Variants in ITGBL1 observed in about 807,000 individuals in gnomAD.
ITGBL1 encodes integrin beta-like protein 1.
ITGBL1 carries 51 observed loss-of-function variants against 68.5 expected under a neutral mutation model. That is an observed-to-expected ratio of 0.74 (90% CI 0.59 to 0.94). The LOEUF is 0.94. Ranked by LOEUF, ITGBL1 falls within the 40% of genes least tolerant of loss-of-function variation. ITGBL1 has a pLI of 0.00. For synonymous variants in ITGBL1, 209 were observed against 227.3 expected, an observed-to-expected ratio of 0.92 and a Z score of 0.72; for missense variants, 649 against 647.4, an observed-to-expected ratio of 1.00 and a Z score of -0.03.
intron 2 of ITGBL1, among the ~76,000 whole-genome samples, chr13:101,530,459 G>A (rs1050932404): frequency 6.6e-6 from 1 of 152,082 alleles, no homozygotes; most frequent in African/African-American, 2.4e-5. Context: ...TCCCCACCCA[G>A]GGTTTTGCTT....
chr13:101,595,241 CGA>C (rs1253949484), intron 6 of ITGBL1, among the ~76,000 whole-genome samples: 1 of 151,884 alleles, frequency 6.6e-6, no homozygotes, highest in African/African-American at 2.4e-5. Context: ...CATCACATGG[CGA>C]GAGAGAGGAA....
At chr13:101,467,864 G>T (rs1331571541) in intron 2 of ITGBL1, among the ~76,000 whole-genome samples, 1 of 152,044 alleles carries the variant, frequency 6.6e-6, no homozygotes, top group East Asian at 1.9e-4. Context: ...AACTTCCTAG[G>T]GAAAGGTAGG....
intron 2 of ITGBL1, among the ~76,000 whole-genome samples, chr13:101,507,623 T>G (rs1443474522): frequency 6.6e-6 from 1 of 152,182 alleles, no homozygotes; most frequent in East Asian, 1.9e-4. Flanking sequence ...CATACACCAT[T>G]TTTATACAGC....
intron 2 of ITGBL1, among the ~76,000 whole-genome samples, chr13:101,521,648 G>C (rs1397781295): frequency 6.6e-6 from 1 of 152,010 alleles, no homozygotes; most frequent in Non-Finnish European, 1.5e-5. Flanking sequence ...GACAGAAGAG[G>C]ATTGCTTCTC....
intron 7 of ITGBL1, among the ~76,000 whole-genome samples, chr13:101,610,692 G>A (rs1219018872): frequency 6.6e-6 from 1 of 152,098 alleles, no homozygotes; most frequent in Non-Finnish European, 1.5e-5. Context: ...TTGAGTAGTG[G>A]CCACAGAGAG....
Position 101,454,027 on chromosome 13 carries a change from G to C in ITGBL1, c.243G>C (p.Pro81=). 6.3e-7 allele frequency: 1 copy of C among 1,588,750 alleles called. No homozygotes were observed. Among genetic ancestry groups the C allele is most frequent in the Non-Finnish European group, 8.6e-7 (1 of 1,168,106 alleles). The change falls in exon 2 of 11, where the codon CCG becomes CCC. Residue 81 remains proline (P), a synonymous_variant. Transcript: ENST00000376180. ...CGVCICHVTE[P]GMFFGPLCEC... ...TCTGCATCTGCCACGTGACTGAGCCGGGCATGTTCTTCGGGCCCCTGTGTG... is the reference window on the plus strand; with the variant it reads ...TCTGCATCTGCCACGTGACTGAGCCCGGCATGTTCTTCGGGCCCCTGTGTG...
intron 2 of ITGBL1, among the ~76,000 whole-genome samples, chr13:101,527,484 G>C (rs2049400388): frequency 6.6e-6 from 1 of 151,998 alleles, no homozygotes; most frequent in African/African-American, 2.4e-5. Context: ...GGTCATTTGA[G>C]TTGTTTCCAT....
At chr13:101,557,387 G>A (rs1007845678) in intron 2 of ITGBL1, among the ~76,000 whole-genome samples, 2 of 152,162 alleles carry the variant, frequency 1.3e-5, no homozygotes, top group Non-Finnish European at 2.9e-5. Context: ...ACACATATAT[G>A]CACATATAAA....
At chr13:101,552,416 A>G (rs1475790842) in intron 2 of ITGBL1, among the ~76,000 whole-genome samples, 2 of 152,188 alleles carry the variant, frequency 1.3e-5, no homozygotes, top group African/African-American at 2.4e-5. Flanking sequence ...CTTGTGAGCT[A>G]CTTCACGAGT....
At chr13:101,577,022 C>T (rs1024178504) in intron 4 of ITGBL1, among the ~76,000 whole-genome samples, 3 of 150,984 alleles carry the variant, frequency 2.0e-5, no homozygotes, top group African/African-American at 7.3e-5. Context: ...ACCACAAAAG[C>T]AGAGTCTATT....
chr13:101,549,006 A>G (rs1243179314), intron 2 of ITGBL1, among the ~76,000 whole-genome samples: 2 of 151,926 alleles, frequency 1.3e-5, no homozygotes, highest in East Asian at 1.9e-4. Context: ...ATTACACTTG[A>G]ACATTTAAAA....
intron 7 of ITGBL1, among the ~76,000 whole-genome samples, chr13:101,672,752 T>C (rs2033409004): frequency 6.6e-6 from 1 of 152,094 alleles, no homozygotes; most frequent in Admixed American, 6.6e-5. Flanking sequence ...ACGGCTGCTC[T>C]CCTCTCCCCT....
downstream of ITGBL1, chr13:101,719,388 G>A (rs1390228962): frequency 6.6e-6 from 1 of 152,012 alleles, no homozygotes; most frequent in Non-Finnish European, 1.5e-5. Context: ...ATCTCTTTAA[G>A]CCACTGCTAC....
At chr13:101,689,211 T>TAAAAAAAAAAGAAAAAAAAAAAA (rs2033824800) in intron 7 of ITGBL1, among the ~76,000 whole-genome samples, 1 of 74,868 alleles carries the variant, frequency 1.3e-5, no homozygotes, top group African/African-American at 4.7e-5. Flanking sequence ...AGACTCTGCC[T>TAAAAAAAAAAGAAAAAAAAAAAA]AAAAAAAAAA....
At chr13:101,700,681 T>G (rs1594991526) in intron 8 of ITGBL1, among the ~76,000 whole-genome samples, 1 of 152,360 alleles carries the variant, frequency 6.6e-6, no homozygotes, top group East Asian at 1.9e-4. Flanking sequence ...GGAATATTTC[T>G]CCACCTTCAT....
chr13:101,675,243 A>C (rs1350575677), intron 7 of ITGBL1, among the ~76,000 whole-genome samples: 2 of 138,854 alleles, frequency 1.4e-5, no homozygotes, highest in Non-Finnish European at 3.3e-5. Context: ...CTTTGTCTTG[A>C]CTTTGTCATG....
chr13:101,475,446 G>C (rs1326141425), intron 2 of ITGBL1, among the ~76,000 whole-genome samples: 1 of 152,046 alleles, frequency 6.6e-6, no homozygotes, highest in Non-Finnish European at 1.5e-5. Flanking sequence ...AGCCTCAAAA[G>C]GGTAAATCTA....
At position 101,529,971 on chromosome 13, in the gene ITGBL1, T is replaced by C. The variant is rs542423268; in HGVS notation, c.317-37728T>C. Among the ~76,000 whole-genome samples the C allele has an allele frequency of 2.6e-5, 4 of 152,192 alleles. No individual in the cohort carries two copies. In the East Asian group the frequency reaches 7.7e-4, roughly 29 times the overall value. On this transcript the variant is annotated intron_variant, in intron 2 of 10. Coordinates refer to ENST00000376180, the MANE Select transcript of ITGBL1 (RefSeq NM_004791.3). ...ACTTGTGAGCCCACAATTTTCTATC[T>C]AAAAAAATCACCTTCCAGTATAAAA...
At chr13:101,482,815 TAACTG>T (rs1356948893) in intron 2 of ITGBL1, among the ~76,000 whole-genome samples, 1 of 152,132 alleles carries the variant, frequency 6.6e-6, no homozygotes, top group Non-Finnish European at 1.5e-5. Flanking sequence ...CTGGACCACT[TAACTG>T]AAGTAGTTAG....
Sources: allele counts gnomAD v4.1 joint callset (sites outside exome capture counted in the v4.1 genomes callset), GRCh38; gene constraint gnomAD v4.1.1; transcripts MANE v1.5; gene names NCBI Gene and HGNC (gene_info 2026-07-23, HGNC 2026-07-21).